COL13A1: variants seen among roughly 807,000 people sequenced by gnomAD.
COL13A1 encodes the protein collagen alpha-1(XIII) chain.
A neutral mutation model predicts 130.9 loss-of-function variants in COL13A1; 89 were observed. That is an observed-to-expected ratio of 0.68 (90% confidence interval 0.57 to 0.81). The LOEUF is 0.81. Ranked by LOEUF, COL13A1 falls within the 30% of genes least tolerant of loss-of-function variation. The pLI is 0.00. For synonymous variants in COL13A1, 402 were observed against 341.6 expected, an observed-to-expected ratio of 1.18 and a Z score of -1.95; for missense variants, 879 against 934.6, an observed-to-expected ratio of 0.94 and a Z score of 0.78.
At chr10:69,920,828 G>A (rs2064562211) in intron 21 of COL13A1, among the ~76,000 whole-genome samples, 1 of 152,218 alleles carries the variant, frequency 6.6e-6, no homozygotes, top group South Asian at 2.1e-4. Context: ...GCATCAGGGA[G>A]ACGGGCTCGA....
chr10:69,810,808 C>T (rs1346169171), intron 1 of COL13A1, among the ~76,000 whole-genome samples: 1 of 152,246 alleles, frequency 6.6e-6, no homozygotes, highest in Admixed American at 6.5e-5. Flanking sequence ...GCAGCAGCCC[C>T]TGCTGACACT....
At chr10:69,884,709 A>G (rs2060453359) in intron 7 of COL13A1, among the ~76,000 whole-genome samples, 1 of 152,258 alleles carries the variant, frequency 6.6e-6, no homozygotes, top group African/African-American at 2.4e-5. Context: ...TAATGTACAA[A>G]TACATCTATT....
intron 1 of COL13A1, among the ~76,000 whole-genome samples, chr10:69,815,528 A>G (rs879526211): frequency 1.5e-4 from 23 of 152,138 alleles, no homozygotes; most frequent in Non-Finnish European, 2.2e-4. Flanking sequence ...GTGTCTCACC[A>G]TGGGTCTCAA....
At chr10:69,839,886 G>A (rs1009024332) in intron 2 of COL13A1, among the ~76,000 whole-genome samples, 1 of 152,200 alleles carries the variant, frequency 6.6e-6, no homozygotes, top group Admixed American at 6.5e-5. Flanking sequence ...CCCTCAATGA[G>A]CCAGGAAGCC....
intron 2 of COL13A1, among the ~76,000 whole-genome samples, chr10:69,853,077 C>T (rs571836633): frequency 4.5e-4 from 69 of 152,294 alleles, no homozygotes; most frequent in African/African-American, 1.5e-3. Context: ...ATCTTCCTAG[C>T]GATCAGCATC....
At chr10:69,854,001 T>C (rs1855708794) in intron 2 of COL13A1, among the ~76,000 whole-genome samples, 1 of 152,116 alleles carries the variant, frequency 6.6e-6, no homozygotes, top group Admixed American at 6.5e-5. Flanking sequence ...AAAAACAAAC[T>C]AAAAAAAATT....
chr10:69,832,418 G>C (rs3852445), intron 2 of COL13A1, among the ~76,000 whole-genome samples: 23,229 of 152,192 alleles, frequency 0.15, 1,875 homozygotes, highest in African/African-American at 0.18. Context: ...TCTCTTACAT[G>C]TAAATAAGGA....
At chr10:69,807,641 C>T (rs1841935978) in intron 1 of COL13A1, among the ~76,000 whole-genome samples, 1 of 152,146 alleles carries the variant, frequency 6.6e-6, no homozygotes, top group African/African-American at 2.4e-5. Context: ...AGGGGATGTA[C>T]ATGTGTGCTA....
At chr10:69,900,827 G>A (rs537707618) in intron 14 of COL13A1, among the ~76,000 whole-genome samples, 1 of 152,324 alleles carries the variant, frequency 6.6e-6, no homozygotes, top group African/African-American at 2.4e-5. Flanking sequence ...GCGCCACCCT[G>A]AATTCCCATG....
chr10:69,933,898 T>G (rs2066483909), intron 31 of COL13A1, among the ~76,000 whole-genome samples: 1 of 152,106 alleles, frequency 6.6e-6, no homozygotes, highest in African/African-American at 2.4e-5. Context: ...TCATTTTCAC[T>G]CCACCCAGTG....
chr10:69,859,530 G>A (rs565439330), intron 2 of COL13A1, among the ~76,000 whole-genome samples: 13 of 152,360 alleles, frequency 8.5e-5, no homozygotes, highest in African/African-American at 2.9e-4. Flanking sequence ...CCCCAGGCAG[G>A]GCCTTGCACA....
chr10:69,881,312 G>A (rs57703465), intron 7 of COL13A1, among the ~76,000 whole-genome samples: 18,001 of 151,858 alleles, frequency 0.12, 1,305 homozygotes, highest in East Asian at 0.36. Context: ...GCGCCCTCCC[G>A]TGTAGAGGCT....
chr10:69,921,252 C>G (rs2064627658), intron 21 of COL13A1, among the ~76,000 whole-genome samples: 1 of 152,188 alleles, frequency 6.6e-6, no homozygotes, highest in African/African-American at 2.4e-5. Context: ...ATCTCTGCCT[C>G]CATCTCCATA....
intron 25 of COL13A1, among the ~76,000 whole-genome samples, 188 bp from the exon 26 acceptor site, chr10:69,925,616 C>T (rs1016095032): frequency 6.6e-6 from 1 of 152,222 alleles, no homozygotes; most frequent in African/African-American, 2.4e-5. Flanking sequence ...ATGGAGTCTT[C>T]TCGATTTGTT....
intron 38 of COL13A1, among the ~76,000 whole-genome samples, chr10:69,950,845 TTTTG>T (rs763368223): frequency 4.3e-4 from 65 of 152,208 alleles, no homozygotes; most frequent in African/African-American, 1.0e-3. Flanking sequence ...AAAAATATTA[TTTTG>T]TTTGTTTGTT....
intron 6 of COL13A1, among the ~76,000 whole-genome samples, chr10:69,878,307 C>A (rs927128174): frequency 2.0e-5 from 3 of 152,166 alleles, no homozygotes; most frequent in African/African-American, 7.2e-5. Flanking sequence ...CCCTGCCTTG[C>A]CCTGCCCTGA....
chr10:69,859,987 G>A (rs1423521446), intron 2 of COL13A1, among the ~76,000 whole-genome samples: 1 of 152,224 alleles, frequency 6.6e-6, no homozygotes, highest in African/African-American at 2.4e-5. Context: ...CCCCAGACAG[G>A]AGCTTGCTTC....
chr10:69,803,035 ACTC>A (rs1445157330), intron 1 of COL13A1, among the ~76,000 whole-genome samples: 4 of 151,632 alleles, frequency 2.6e-5, no homozygotes, highest in African/African-American at 9.7e-5. Flanking sequence ...GGCAAGCTCC[ACTC>A]CTCCCTTTCG....
intron 2 of COL13A1, among the ~76,000 whole-genome samples, chr10:69,837,248 C>T (rs1051303243): frequency 6.6e-6 from 1 of 152,228 alleles, no homozygotes; most frequent in Non-Finnish European, 1.5e-5. Context: ...GGGGACCTTA[C>T]CAATGATCCT....
Sources: gnomAD v4.1 joint callset for allele counts (sites outside exome capture counted in the v4.1 genomes callset) on GRCh38, gnomAD v4.1.1 for gene constraint, MANE v1.5 for transcripts, NCBI Gene and HGNC (gene_info 2026-07-23, HGNC 2026-07-21) for gene names.